Variants in NINL observed in about 807,000 individuals in gnomAD.
NINL encodes the protein ninein like.
NINL carries 153 observed loss-of-function variants against 160.3 expected under a neutral mutation model. That is an observed-to-expected ratio of 0.95 (90% CI 0.84 to 1.09). The LOEUF is 1.09. NINL is among the 50% of genes least tolerant of loss of function. NINL has a pLI of 0.00. For missense variants in NINL, 1,829 were observed against 1,764.0 expected (o/e 1.04, Z -0.66); for synonymous variants, 800 against 734.8 (o/e 1.09, Z -1.43).
chr20:25,476,763 G>A lies in NINL; in HGVS notation c.2528C>T (p.Thr843Ile). 1.2e-6 allele frequency: 2 copies of A among 1,610,458 alleles called. No individual in the cohort carries two copies. Among genetic ancestry groups the A allele is most frequent in the South Asian group, 1.1e-5 (1 of 91,060 alleles). The stretch of plus-strand genomic sequence containing the variant: ...CGGACGCAGTGGTAGGAGGCCACGT[G>A]TGCCCTCCTGGCCACTTCCTGCCAC... ...GLVAGSGQEG[T>I]RGLLPLRPGC... Residue 843 changes from threonine to isoleucine, a missense_variant, in exon 17 of 24, where the codon ACA becomes ATA. Transcript: ENST00000278886.
In NINL at chr20:25,568,917, C is replaced by T. The variant is rs571148232; in HGVS notation, c.-12+16538G>A. ...GCCTGGGCAACACATTGAGACCCCTCCCTGTCTCTACAAAATATTTTTTTT... is the reference window on the plus strand; with the variant it reads ...GCCTGGGCAACACATTGAGACCCCTTCCTGTCTCTACAAAATATTTTTTTT... On this transcript the variant is annotated intron_variant, in intron 1 of 23. Coordinates refer to ENST00000278886, the MANE Select transcript of NINL (RefSeq NM_025176.6). Among the ~76,000 whole-genome samples the T allele has an allele frequency of 2.0e-5, 3 of 151,286 alleles. No homozygotes were observed. The South Asian group carries it at 6.3e-4, about 32-fold the overall frequency.
chr20:25,510,437 G>A (rs928663471), intron 5 of NINL, among the ~76,000 whole-genome samples: 41 of 152,212 alleles, frequency 2.7e-4, no homozygotes, highest in African/African-American at 9.4e-4. Context: ...CCTCGGCCAC[G>A]GGCCTCTGCC....
intron 3 of NINL, among the ~76,000 whole-genome samples, chr20:25,514,369 G>A (rs756487998): frequency 1.3e-5 from 2 of 152,246 alleles, no homozygotes; most frequent in Non-Finnish European, 2.9e-5. Context: ...AGGCATTCAA[G>A]ATGTGCCCTG....
intron 1 of NINL, among the ~76,000 whole-genome samples, chr20:25,567,084 C>A (rs6050686): frequency 1.3e-5 from 2 of 152,190 alleles, no homozygotes; most frequent in African/African-American, 4.8e-5. Context: ...CCAACCTGGG[C>A]AGCAGAGTGA....
At chr20:25,472,340 T>C (rs1262682380) in intron 17 of NINL, among the ~76,000 whole-genome samples, 1 of 100,496 alleles carries the variant, frequency 1.0e-5, no homozygotes, top group Non-Finnish European at 2.0e-5. Context: ...TATATATATA[T>C]ATATATATAT....
At chr20:25,504,233 GC>G (rs773933207) in intron 6 of NINL, 129 bp from the exon 7 acceptor site, 2 of 954,108 alleles carry the variant, frequency 2.1e-6, no homozygotes, top group Non-Finnish European at 3.1e-6. Context: ...GTCTTATCCA[GC>G]CTTAAAACTG....
intron 1 of NINL, among the ~76,000 whole-genome samples, chr20:25,528,333 C>T (rs2064393718): frequency 6.6e-6 from 1 of 152,086 alleles, no homozygotes; most frequent in Non-Finnish European, 1.5e-5. Context: ...CTGCACCCAG[C>T]CAAAATCACA....
chr20:25,477,923 C>T (rs449703), intron 16 of NINL, among the ~76,000 whole-genome samples: 69,521 of 147,908 alleles, frequency 0.47, 17,026 homozygotes, highest in East Asian at 0.92. Context: ...GATGGACAGA[C>T]GACTTTTTTT....
chr20:25,546,587 G>T lies in NINL; in HGVS notation c.-11-19989C>A, dbSNP rs538505940. Among the ~76,000 whole-genome samples the T allele has an allele frequency of 6.6e-5, 10 of 152,258 alleles. No homozygotes were observed. The South Asian group carries it at 2.1e-3, about 32-fold the overall frequency. On this transcript the variant is annotated intron_variant, in intron 1 of 23. Transcript: ENST00000278886. ...TGACAAACAAGAAGGTAATTTTAATGTAAATCACAGGCCAAAGGTTAATTC... is the reference window on the plus strand; with the variant it reads ...TGACAAACAAGAAGGTAATTTTAATTTAAATCACAGGCCAAAGGTTAATTC...
At chr20:25,508,678 T>C (rs1372785991) in intron 5 of NINL, among the ~76,000 whole-genome samples, 1 of 152,206 alleles carries the variant, frequency 6.6e-6, no homozygotes, top group Admixed American at 6.5e-5. Flanking sequence ...TGGGGGGCGC[T>C]GGCAGCCTGA....
chr20:25,534,729 A>G (rs921778085), intron 1 of NINL, among the ~76,000 whole-genome samples: 3 of 152,200 alleles, frequency 2.0e-5, no homozygotes, highest in Non-Finnish European at 4.4e-5. Flanking sequence ...CTCAATATCC[A>G]TAGGGGGTGG....
intron 17 of NINL, among the ~76,000 whole-genome samples, chr20:25,473,841 C>G (rs1179950532): frequency 1.3e-5 from 2 of 152,022 alleles, no homozygotes; most frequent in Non-Finnish European, 2.9e-5. Context: ...GCACTCCAGT[C>G]TGGGCAACAG....
chr20:25,556,390 A>T (rs1305076694), intron 1 of NINL, among the ~76,000 whole-genome samples: 1 of 152,210 alleles, frequency 6.6e-6, no homozygotes, highest in African/African-American at 2.4e-5. Context: ...TTGTGAAGTC[A>T]AAGTGGGAGG....
rs2146585525 is a variant in NINL at position 25,482,017 on chromosome 20, T to C, written c.1761A>G (p.Ser587=). ...GCCGTCTGCGCCCATCCGGGCTCCA[T>C]GAGGGGCTGTGCCGGTTCTTGGGCA... ...ARLPKNRHSP[S]WSPDGRRRQL... Residue 587 remains serine, a synonymous_variant, in exon 14 of 24, where the codon TCA becomes TCG. Coordinates refer to ENST00000278886, the MANE Select transcript of NINL (RefSeq NM_025176.6). 1 of 1,598,624 alleles carries C rather than the reference T, an allele frequency of 6.3e-7. No individual in the cohort carries two copies. The highest frequency in any genetic ancestry group is 8.5e-7 in the Non-Finnish European group (1 of 1,179,732).
chr20:25,512,940 G>C lies in NINL; in HGVS notation c.344C>G (p.Pro115Arg). The change falls in exon 4 of 24, where the codon CCT becomes CGT. Residue 115 changes from proline (P) to arginine (R), a missense_variant. Coordinates refer to ENST00000278886, the MANE Select transcript of NINL (RefSeq NM_025176.6). ...TTCTGTGGCAGCGTCACATAGCTCA[G>C]GCCGGCTCCGACGGCCATACCACTT... Reference protein sequence around the residue: ...GSKWYGRRSRPELCDAATEAR... With the variant: ...GSKWYGRRSRRELCDAATEAR... 6.2e-7 allele frequency: 1 copy of C among 1,614,126 alleles called. No homozygotes were observed. Among genetic ancestry groups the C allele is most frequent in the African/African-American group, 1.3e-5 (1 of 75,060 alleles).
intron 1 of NINL, among the ~76,000 whole-genome samples, chr20:25,547,502 A>G (rs373273852): frequency 1.3e-4 from 20 of 152,338 alleles, no homozygotes; most frequent in African/African-American, 4.8e-4. Context: ...AACTGGGGGA[A>G]GCCAAATGGA....
chr20:25,579,567 C>T (rs563837275), intron 1 of NINL, among the ~76,000 whole-genome samples: 1 of 152,150 alleles, frequency 6.6e-6, no homozygotes, highest in Admixed American at 6.5e-5. Flanking sequence ...TGTCCCCACA[C>T]CCCCACGCCA....
Position 25,476,698 on chromosome 20 carries a change from C to T in NINL, c.2593G>A (p.Asp865Asn), listed in dbSNP as rs1468468544. ...ERPLAWLAPG[D>N]GRESEEAAGA... ...GCCGCCTCCTCAGACTCTCTGCCATCACCTGGGGCCAGCCAGGCCAGTGGC... is the reference window on the plus strand; with the variant it reads ...GCCGCCTCCTCAGACTCTCTGCCATTACCTGGGGCCAGCCAGGCCAGTGGC... Residue 865 changes from aspartate (D) to asparagine (N), a missense_variant, in exon 17 of 24, where the codon GAT becomes AAT. By Grantham distance (23) the Asp-to-Asn change is conservative. Coordinates refer to ENST00000278886, the MANE Select transcript of NINL (RefSeq NM_025176.6). 1 of 1,595,534 alleles carries T rather than the reference C, an allele frequency of 6.3e-7. No homozygotes were observed. The highest frequency in any genetic ancestry group is 8.5e-7 in the Non-Finnish European group (1 of 1,175,508).
chr20:25,566,369 T>C (rs2065000011), intron 1 of NINL, among the ~76,000 whole-genome samples: 1 of 151,652 alleles, frequency 6.6e-6, no homozygotes, highest in Admixed American at 6.6e-5. Context: ...GCCCAATCAA[T>C]ACATCATGTC....
Sources: gnomAD v4.1 joint callset for allele counts (sites outside exome capture counted in the v4.1 genomes callset) on GRCh38, gnomAD v4.1.1 for gene constraint, MANE v1.5 for transcripts, NCBI Gene and HGNC (gene_info 2026-07-23, HGNC 2026-07-21) for gene names.